The following LARP4B variants were observed in gnomAD, a reference collection of about 807,000 sequenced individuals.
The protein encoded by LARP4B is La ribonucleoprotein 4B, also known as la-related protein 4B.
In LARP4B, 12 loss-of-function variants were observed where a neutral mutation model predicts 89.8. That is an observed-to-expected ratio of 0.13 (90% CI 0.09 to 0.22). LARP4B has a LOEUF of 0.22. Ranked by LOEUF, LARP4B falls within the 10% of genes least tolerant of loss-of-function variation. The pLI is 1.00. For missense variants in LARP4B, 757 were observed against 947.7 expected (o/e 0.80, Z 2.64); for synonymous variants, 367 against 363.3 (o/e 1.01, Z -0.12).
At chr10:987,244 T>A in the LARP4B span, 2 of 152,264 alleles carry the variant, frequency 1.3e-5, no homozygotes, top group African/African-American at 4.8e-5. Context: ...GGAGGTATGC[T>A]TATCCGCCTT....
intron 5 of LARP4B, among the ~76,000 whole-genome samples, chr10:847,510 C>T (rs977890293): frequency 1.3e-5 from 2 of 151,206 alleles, no homozygotes; most frequent in African/African-American, 2.4e-5. Context: ...TCCTATGTGA[C>T]ATGAAACTTT....
At chr10:948,803 T>G in the LARP4B span, among the ~76,000 whole-genome samples, 1 of 152,246 alleles carries the variant, frequency 6.6e-6, no homozygotes, top group Admixed American at 6.5e-5. Flanking sequence ...TCTGAAGGTT[T>G]GTTCAGGCCG....
chr10:907,913 C>CA (rs2132008833), intron 1 of LARP4B, among the ~76,000 whole-genome samples: 1 of 152,246 alleles, frequency 6.6e-6, no homozygotes, highest in Admixed American at 6.5e-5. Flanking sequence ...GGAGTTTCCA[C>CA]AAAAACCCTA....
downstream of LARP4B, chr10:807,921 C>A (rs139293407): frequency 6.6e-6 from 1 of 152,266 alleles, no homozygotes; most frequent in Non-Finnish European, 1.5e-5. Flanking sequence ...TGACTTGGAT[C>A]GGAAACGGCT....
chr10:844,160 T>C (rs1833663493), intron 6 of LARP4B, among the ~76,000 whole-genome samples: 1 of 152,248 alleles, frequency 6.6e-6, no homozygotes, highest in Admixed American at 6.5e-5. Context: ...ATCTCGGCCA[T>C]CTTCCAGGTG....
At chr10:859,108 G>GT (rs1834458440) in intron 5 of LARP4B, among the ~76,000 whole-genome samples, 2 of 151,912 alleles carry the variant, frequency 1.3e-5, no homozygotes, top group Non-Finnish European at 2.9e-5. Context: ...GTGAAACCCC[G>GT]TATCTACTAA....
intron 11 of LARP4B, among the ~76,000 whole-genome samples, chr10:828,475 G>A (rs1395849172): frequency 6.6e-6 from 1 of 152,080 alleles, no homozygotes; most frequent in Non-Finnish European, 1.5e-5. Context: ...TCTCTGCTCT[G>A]CACCTACCCT....
chr10:820,881 T>TC (rs1165104502), intron 13 of LARP4B, 36 bp from the exon 14 acceptor site: 1 of 1,597,974 alleles, frequency 6.3e-7, no homozygotes, highest in Admixed American at 1.7e-5. Flanking sequence ...GTTATTTTTT[T>TC]CCCACTTGGA....
chr10:872,090 A>G (rs1214208436), intron 3 of LARP4B, among the ~76,000 whole-genome samples: 1 of 152,142 alleles, frequency 6.6e-6, no homozygotes, highest in Non-Finnish European at 1.5e-5. Flanking sequence ...GTCACTGTCC[A>G]TGTTGTTATT....
At chr10:940,519 C>T in the LARP4B span, among the ~76,000 whole-genome samples, 26,270 of 152,216 alleles carry the variant, frequency 0.17, 2,438 homozygotes, top group South Asian at 0.24. Context: ...GGGCCAGGAA[C>T]GTGGCGGGGG....
At chr10:988,143 T>C in the LARP4B span, 2 of 267,126 alleles carry the variant, frequency 7.5e-6, no homozygotes, top group African/African-American at 4.5e-5. Flanking sequence ...CCAGGGCGCG[T>C]GGCTGGGGGC....
At chr10:886,911 GA>G (rs2131938224) in intron 1 of LARP4B, among the ~76,000 whole-genome samples, 2 of 152,320 alleles carry the variant, frequency 1.3e-5, no homozygotes, top group African/African-American at 4.8e-5. Context: ...CCAACATGGA[GA>G]AATCCAGTCT....
the LARP4B span, among the ~76,000 whole-genome samples, chr10:954,652 G>A: frequency 1.3e-5 from 2 of 152,144 alleles, no homozygotes; most frequent in African/African-American, 2.4e-5. This position sits in a 1 kb window ranked among gnomAD's most constrained non-coding sequence, Gnocchi z 5.0. Context: ...CTGGGGGTGC[G>A]GCCGTGAGTG....
chr10:910,167 G>A (rs966730104), intron 1 of LARP4B, among the ~76,000 whole-genome samples: 5 of 152,138 alleles, frequency 3.3e-5, no homozygotes, highest in South Asian at 2.1e-4. Context: ...CCAATCAATA[G>A]CTTATGTTAT....
chr10:830,309 C>T (rs1303908114), intron 9 of LARP4B, among the ~76,000 whole-genome samples: 3 of 152,202 alleles, frequency 2.0e-5, no homozygotes, highest in Non-Finnish European at 4.4e-5. Context: ...TTCCGTTCCC[C>T]TTTTCCCCCT....
intron 5 of LARP4B, among the ~76,000 whole-genome samples, chr10:852,821 T>C (rs1459965477): frequency 2.6e-5 from 4 of 152,224 alleles, no homozygotes; most frequent in African/African-American, 7.2e-5. Flanking sequence ...TGCTTTGATA[T>C]ACTAGTAACA....
chr10:849,201 G>T (rs1344561866), intron 5 of LARP4B, among the ~76,000 whole-genome samples: 2 of 152,062 alleles, frequency 1.3e-5, no homozygotes, highest in Non-Finnish European at 2.9e-5. Flanking sequence ...AAGAACACAT[G>T]GGACAAAAAG....
chr10:812,940 TG>T lies in LARP4B; in HGVS notation c.2202del (p.Lys735SerfsTer18), dbSNP rs1279062538. On this transcript the variant is annotated frameshift_variant, in exon 18 of 18. Coordinates refer to ENST00000316157, the MANE Select transcript of LARP4B (RefSeq NM_015155.3). LOFTEE classifies it high-confidence loss of function. Reference protein sequence around the residue: ...KRLSREQSTPPKSPQ With the variant: ...KRLSREQSTPXKSPQ ...ACGTACGGTTTTCACTGAGGAGACT[TG>T]GGGGGAGTGCTCTGCTCTCGGCTGA... The T allele has an allele frequency of 6.5e-7, 1 of 1,546,230 alleles. No individual in the cohort carries two copies. The highest frequency in any genetic ancestry group is 8.7e-7 in the Non-Finnish European group (1 of 1,155,282).
chr10:839,982 A>G (rs1244943747), intron 7 of LARP4B, among the ~76,000 whole-genome samples: 1 of 152,246 alleles, frequency 6.6e-6, no homozygotes, highest in Non-Finnish European at 1.5e-5. Flanking sequence ...CTACTAATCC[A>G]GTAAACAACA....
Sources: gnomAD v4.1 joint callset for allele counts (sites outside exome capture counted in the v4.1 genomes callset) on GRCh38, gnomAD v4.1.1 for gene constraint, Gnocchi (gnomAD v3.1) non-coding constraint, MANE v1.5 for transcripts, NCBI Gene and HGNC (gene_info 2026-07-23, HGNC 2026-07-21) for gene names.